SIPA1L3: variants seen among roughly 807,000 people sequenced by gnomAD.
SIPA1L3 encodes signal induced proliferation associated 1 like 3, also known as signal-induced proliferation-associated 1-like protein 3.
A neutral mutation model predicts 150.1 loss-of-function variants in SIPA1L3; 59 were observed. That is an observed-to-expected ratio of 0.39 (90% CI 0.32 to 0.49). The LOEUF is 0.49. Ranked by LOEUF, SIPA1L3 falls within the 20% of genes least tolerant of loss-of-function variation. SIPA1L3 has a pLI of 0.86. For missense variants in SIPA1L3, 2,211 were observed against 2,489.5 expected (o/e 0.89, Z 2.38); for synonymous variants, 1,070 against 1,077.6 (o/e 0.99, Z 0.14).
chr19:38,196,790 G>A (rs1600203110), intron 18 of SIPA1L3, among the ~76,000 whole-genome samples: 1 of 152,204 alleles, frequency 6.6e-6, no homozygotes, highest in Admixed American at 6.5e-5. Flanking sequence ...AGGAGGCTGA[G>A]GGACGAGCCA....
rs141255870 is a variant in SIPA1L3 at position 37,929,650 on chromosome 19, C to G, written c.-379+22292C>G. On this transcript the variant is annotated intron_variant, in intron 1 of 21. Transcript: ENST00000222345. ...AAACACCTGGGTCTCACCCATCTCT[C>G]TGCTCCTGACTCCCTCCCCCCTCCT... Among the ~76,000 whole-genome samples the G allele has an allele frequency of 2.6e-4, 40 of 152,268 alleles. No individual in the cohort carries two copies. In the East Asian group the frequency reaches 7.7e-3, roughly 29 times the overall value.
chr19:38,168,098 G>A (rs981270828), intron 15 of SIPA1L3, among the ~76,000 whole-genome samples: 5 of 152,044 alleles, frequency 3.3e-5, no homozygotes, highest in Non-Finnish European at 7.4e-5. Flanking sequence ...ATACGTGTGC[G>A]CTCCCAGGCC....
In SIPA1L3 at chr19:38,006,410, G is replaced by A. The variant is rs111425821; in HGVS notation, c.-378-22679G>A. On this transcript the variant is annotated intron_variant, in intron 1 of 21. Coordinates refer to ENST00000222345, the MANE Select transcript of SIPA1L3 (RefSeq NM_015073.3). Reference sequence around the variant, plus strand: ...TTTTACCTTCTAGGGAGTGGGGCACGTTAAGAGAGGGAAGAGGGCAAGAAA... The same window carrying A: ...TTTTACCTTCTAGGGAGTGGGGCACATTAAGAGAGGGAAGAGGGCAAGAAA... 2.4e-3 allele frequency among the ~76,000 whole-genome samples: 371 copies of A among 152,202 alleles called. 3 individuals carry two copies. The highest frequency in any genetic ancestry group is 8.7e-3 in the African/African-American group (361 of 41,512).
intron 2 of SIPA1L3, among the ~76,000 whole-genome samples, chr19:38,033,884 A>G (rs1480769177): frequency 2.0e-5 from 3 of 152,080 alleles, no homozygotes; most frequent in African/African-American, 7.2e-5. Flanking sequence ...GTGCGCCTTG[A>G]GCCATTTGCA....
intron 13 of SIPA1L3, among the ~76,000 whole-genome samples, chr19:38,159,180 C>G (rs938689050): frequency 1.3e-5 from 2 of 152,220 alleles, no homozygotes; most frequent in African/African-American, 4.8e-5. Flanking sequence ...GCCACACACG[C>G]GGTGACACCC....
At chr19:37,991,782 T>C (rs1434606729) in intron 1 of SIPA1L3, among the ~76,000 whole-genome samples, 1 of 152,180 alleles carries the variant, frequency 6.6e-6, no homozygotes, top group Non-Finnish European at 1.5e-5. Context: ...CAGATTTCTC[T>C]TGGGGGCTTG....
intron 1 of SIPA1L3, among the ~76,000 whole-genome samples, chr19:37,955,546 GCC>G (rs1828831949): frequency 6.6e-6 from 1 of 152,054 alleles, no homozygotes; most frequent in South Asian, 2.1e-4. Flanking sequence ...CCACGCCTAG[GCC>G]CAGGCTACCA....
intron 6 of SIPA1L3, among the ~76,000 whole-genome samples, chr19:38,104,300 A>G (rs1305700381): frequency 6.6e-6 from 1 of 152,196 alleles, no homozygotes; most frequent in Admixed American, 6.5e-5. Flanking sequence ...GCCATTTGCT[A>G]GTTTCGTGAT....
chr19:37,916,312 C>G (rs911130585), intron 1 of SIPA1L3, among the ~76,000 whole-genome samples: 1 of 151,860 alleles, frequency 6.6e-6, no homozygotes, highest in African/African-American at 2.4e-5. Flanking sequence ...CAGACGTGAG[C>G]CACCGCATCT....
At position 38,164,578 on chromosome 19, in the gene SIPA1L3, CT is replaced by C; in HGVS notation, c.3881del (p.Leu1294ArgfsTer199). On this transcript the variant is annotated frameshift_variant, in exon 15 of 22. Coordinates refer to ENST00000222345, the MANE Select transcript of SIPA1L3 (RefSeq NM_015073.3). LOFTEE classifies it high-confidence loss of function. This position sits in a 1 kb window ranked among gnomAD's most constrained non-coding sequence, Gnocchi z 4.1. ...DDRWFDPLDP[L>X]EPEQDPLSKG... is the part of the protein sequence containing the mutation. ...CCGCTGGTTCGACCCCCTGGACCCC[CT>C]GGAGCCAGAGCAAGACCCCCTCTCC... 6.2e-7 allele frequency: 1 copy of C among 1,614,126 alleles called. No homozygotes were observed. Among genetic ancestry groups the C allele is most frequent in the South Asian group, 1.1e-5 (1 of 91,082 alleles).
intron 2 of SIPA1L3, among the ~76,000 whole-genome samples, chr19:38,029,617 A>G (rs1968599322): frequency 6.6e-6 from 1 of 152,100 alleles, no homozygotes; most frequent in South Asian, 2.1e-4. Flanking sequence ...TTTTGTTTTG[A>G]GATGGAGTTT....
At chr19:38,108,617 C>T (rs897093397) in intron 7 of SIPA1L3, 2 of 152,216 alleles carry the variant, frequency 1.3e-5, no homozygotes, top group African/African-American at 2.4e-5. Context: ...CTTAGAGCTC[C>T]GTGGGACTCC....
intron 1 of SIPA1L3, among the ~76,000 whole-genome samples, chr19:37,912,434 C>T (rs918940838): frequency 5.3e-5 from 8 of 152,080 alleles, no homozygotes; most frequent in African/African-American, 1.9e-4. Context: ...CAGTGTCTTC[C>T]TTATAGGGTG....
At chr19:38,110,731 G>T (rs183477804) in intron 8 of SIPA1L3, among the ~76,000 whole-genome samples, 1 of 152,156 alleles carries the variant, frequency 6.6e-6, no homozygotes, top group Non-Finnish European at 1.5e-5. Context: ...CCCTCCTGGG[G>T]GTCACCTTTC....
chr19:38,165,560 A>G (rs968723766), intron 15 of SIPA1L3, among the ~76,000 whole-genome samples: 2 of 152,082 alleles, frequency 1.3e-5, no homozygotes, highest in Admixed American at 6.5e-5. Flanking sequence ...CTTTCCCAGA[A>G]CCCCTTTCAG....
At chr19:38,028,707 TTTTGA>T (rs1968572548) in intron 1 of SIPA1L3, among the ~76,000 whole-genome samples, 1 of 151,576 alleles carries the variant, frequency 6.6e-6, no homozygotes, top group African/African-American at 2.4e-5. Context: ...TTTTTTTTTT[TTTTGA>T]GACAGAGTCT....
chr19:38,007,451 C>CAAAA (rs1302582305), intron 1 of SIPA1L3, among the ~76,000 whole-genome samples: 6 of 23,460 alleles, frequency 2.6e-4, no homozygotes, highest in Middle Eastern at 0.017. Context: ...AACTCTGTCT[C>CAAAA]AAAAAAAAAA....
rs746341036 is a variant in SIPA1L3 at position 38,082,849 on chromosome 19, G to A, written c.1284G>A (p.Pro428=). The A allele has an allele frequency of 1.9e-6, 3 of 1,613,562 alleles. No individual in the cohort carries two copies. The highest frequency in any genetic ancestry group is 1.3e-5 in the African/African-American group (1 of 74,930). ...DNSNDLLLSC[P]HFRNEIGGEC... The stretch of plus-strand genomic sequence containing the variant: ...GCAACGACCTGCTGCTCAGCTGCCC[G>A]CACTTCCGCAATGAGATCGGGGGCG... Residue 428 remains proline, a synonymous_variant, in exon 3 of 22, where the codon CCG becomes CCA. Coordinates refer to ENST00000222345, the MANE Select transcript of SIPA1L3 (RefSeq NM_015073.3).
intron 1 of SIPA1L3, among the ~76,000 whole-genome samples, chr19:38,000,815 C>G (rs545520627): frequency 1.4e-5 from 2 of 147,598 alleles, no homozygotes; most frequent in South Asian, 4.2e-4. Context: ...AGTGGTTGCC[C>G]TTTGGTGGGG....
Sources: gnomAD v4.1 joint callset for allele counts (sites outside exome capture counted in the v4.1 genomes callset) on GRCh38, gnomAD v4.1.1 for gene constraint, Gnocchi (gnomAD v3.1) non-coding constraint, MANE v1.5 for transcripts, NCBI Gene and HGNC (gene_info 2026-07-23, HGNC 2026-07-21) for gene names.